CHP1: variants seen among roughly 807,000 people sequenced by gnomAD.
The protein encoded by CHP1 is calcineurin B homologous protein 1.
In CHP1, 11 loss-of-function variants were observed where a neutral mutation model predicts 27.4. That is an observed-to-expected ratio of 0.40 (90% CI 0.25 to 0.67). The LOEUF (loss-of-function observed/expected upper bound fraction) is 0.67. Ranked by LOEUF, CHP1 falls within the 30% of genes least tolerant of loss-of-function variation. CHP1 has a pLI of 0.38. For missense variants in CHP1, 169 were observed against 251.3 expected (o/e 0.67, Z 2.22); for synonymous variants, 89 against 87.4 (o/e 1.02, Z -0.10).
intron 2 of CHP1, among the ~76,000 whole-genome samples, chr15:41,246,449 A>T (rs1010208189): frequency 4.0e-5 from 6 of 150,932 alleles, no homozygotes; most frequent in Non-Finnish European, 8.8e-5. Context: ...CTTCCTGAGT[A>T]GCTAGGATTA....
chr15:41,237,185 C>T (rs1361961504), intron 1 of CHP1, among the ~76,000 whole-genome samples: 15 of 118,330 alleles, frequency 1.3e-4, no homozygotes, highest in South Asian at 2.9e-4. Flanking sequence ...TCACTTTTGT[C>T]GCCCAGGCTG....
intron 3 of CHP1, among the ~76,000 whole-genome samples, chr15:41,261,875 C>G (rs897888601): frequency 6.6e-6 from 1 of 151,986 alleles, no homozygotes; most frequent in Non-Finnish European, 1.5e-5. Context: ...GCCTGTAATC[C>G]CAGCTACTCC....
intron 1 of CHP1, among the ~76,000 whole-genome samples, chr15:41,235,120 A>T (rs1350010454): frequency 2.0e-5 from 3 of 152,124 alleles, no homozygotes; most frequent in Non-Finnish European, 4.4e-5. Context: ...AGCTTATTTG[A>T]AAAAAAGGTG....
chr15:41,241,634 CT>C (rs983614427), intron 1 of CHP1, among the ~76,000 whole-genome samples: 3 of 152,204 alleles, frequency 2.0e-5, no homozygotes, highest in African/African-American at 7.2e-5. Flanking sequence ...GATGGAAATG[CT>C]TTTGCCTTCT....
At chr15:41,249,957 C>G (rs76907022) in intron 2 of CHP1, among the ~76,000 whole-genome samples, 4 of 151,668 alleles carry the variant, frequency 2.6e-5, no homozygotes, top group African/African-American at 4.8e-5. Context: ...TAGTGATCAG[C>G]TCCAGTGGAA....
intron 5 of CHP1, among the ~76,000 whole-genome samples, chr15:41,273,877 G>C (rs952647731): frequency 6.6e-5 from 10 of 151,424 alleles, no homozygotes; most frequent in Admixed American, 6.6e-4. Context: ...GGAGGAGGAG[G>C]TTGCAGTGAG....
rs1000693781 is a variant in CHP1 at position 41,245,943 on chromosome 15, T to C, written c.140+2204T>C. On this transcript the variant is annotated intron_variant, in intron 2 of 6. Transcript: ENST00000334660. ...AAGGGCTTTATGGTTTTAGTTCTTATATTAAGGTCTTTTGATTTATTTTGA... is the reference window on the plus strand; with the variant it reads ...AAGGGCTTTATGGTTTTAGTTCTTACATTAAGGTCTTTTGATTTATTTTGA... 3.9e-5 allele frequency among the ~76,000 whole-genome samples: 6 copies of C among 152,234 alleles called. No homozygotes were observed. The East Asian group carries it at 1.2e-3, about 29-fold the overall frequency.
In CHP1 at chr15:41,262,773, TC is replaced by T; in HGVS notation, c.241del (p.Arg81ValfsTer22). On this transcript the variant is annotated frameshift_variant, in exon 4 of 7. Transcript: ENST00000334660. LOFTEE classifies it high-confidence loss of function. The part of the protein sequence containing the change: ...FFPEGEDQVN[F>X]RGFMRTLAHF... ...ACAATCAGAGAGGACCAGGTAAACT[TC>T]CGTGGATTCATGCGAACTTTGGCTC... 1 of 1,612,862 alleles carries T rather than the reference TC, an allele frequency of 6.2e-7. No homozygotes were observed. The highest frequency in any genetic ancestry group is 8.5e-7 in the Non-Finnish European group (1 of 1,179,954).
chr15:41,246,520 A>C (rs527452797), intron 2 of CHP1, among the ~76,000 whole-genome samples: 18 of 147,754 alleles, frequency 1.2e-4, no homozygotes, highest in South Asian at 1.1e-3. Context: ...GGGTTTCACC[A>C]TCTTGGCCAG....
chr15:41,264,170 G>A (rs941886866), intron 4 of CHP1: 34 of 1,285,990 alleles, frequency 2.6e-5, no homozygotes, highest in Non-Finnish European at 3.3e-5. Flanking sequence ...GGCAGTAGAG[G>A]AAGAGAGATA....
At chr15:41,251,071 A>G (rs2047364328) in intron 2 of CHP1, among the ~76,000 whole-genome samples, 1 of 152,010 alleles carries the variant, frequency 6.6e-6, no homozygotes, top group South Asian at 2.1e-4. Flanking sequence ...TGACCTTGTG[A>G]CCCACCCACC....
chr15:41,278,334 A>G (rs1023163964), intron 5 of CHP1, among the ~76,000 whole-genome samples: 1 of 146,598 alleles, frequency 6.8e-6, no homozygotes, highest in African/African-American at 2.5e-5. Flanking sequence ...CTCCGTCTCA[A>G]AAAAAAAAAA....
At chr15:41,245,341 C>T (rs28735224) in intron 2 of CHP1, among the ~76,000 whole-genome samples, 71,599 of 151,538 alleles carry the variant, frequency 0.47, 17,628 homozygotes, top group African/African-American at 0.62. Flanking sequence ...GGCGCCTGTG[C>T]GTGGTGGTGG....
At chr15:41,268,876 C>T (rs1332270353) in intron 4 of CHP1, among the ~76,000 whole-genome samples, 5 of 151,986 alleles carry the variant, frequency 3.3e-5, no homozygotes, top group East Asian at 3.9e-4. Context: ...AGGAGAATGG[C>T]GTGAACCCAG....
At chr15:41,268,537 C>T (rs943915312) in intron 4 of CHP1, among the ~76,000 whole-genome samples, 6 of 151,512 alleles carry the variant, frequency 4.0e-5, no homozygotes, top group East Asian at 1.9e-4. Flanking sequence ...CCCAGCTACT[C>T]GGGAGTCTGA....
chr15:41,243,334 TTG>T (rs1160547932), intron 1 of CHP1, among the ~76,000 whole-genome samples: 1 of 152,034 alleles, frequency 6.6e-6, no homozygotes, highest in African/African-American at 2.4e-5. Context: ...GAGCAAAACT[TTG>T]TCTCAGTAAA....
chr15:41,271,485 G>A (rs778177975), intron 5 of CHP1, among the ~76,000 whole-genome samples: 9 of 152,122 alleles, frequency 5.9e-5, no homozygotes, highest in Non-Finnish European at 7.4e-5. Flanking sequence ...TTTAGGTACT[G>A]TCTGAGATTT....
intron 1 of CHP1, among the ~76,000 whole-genome samples, chr15:41,237,991 C>T (rs924512301): frequency 6.6e-6 from 1 of 152,222 alleles, no homozygotes; most frequent in African/African-American, 2.4e-5. Flanking sequence ...GCATGAGCCA[C>T]CATGCCTGGC....
intron 1 of CHP1, among the ~76,000 whole-genome samples, chr15:41,240,839 C>T (rs567901649): frequency 1.4e-5 from 2 of 145,442 alleles, no homozygotes; most frequent in African/African-American, 2.5e-5. Context: ...TTCAAAAAAT[C>T]TTTTGGGAAA....
Sources: allele counts gnomAD v4.1 joint callset (sites outside exome capture counted in the v4.1 genomes callset), GRCh38; gene constraint gnomAD v4.1.1; transcripts MANE v1.5; gene names NCBI Gene and HGNC (gene_info 2026-07-23, HGNC 2026-07-21).